CCDC30: variants seen among roughly 807,000 people sequenced by gnomAD.
The protein encoded by CCDC30 is coiled-coil domain containing 30.
CCDC30 carries 70 observed loss-of-function variants against 100.2 expected under a neutral mutation model. That is an observed-to-expected ratio of 0.70 (90% CI 0.58 to 0.85). The LOEUF (loss-of-function observed/expected upper bound fraction) is 0.85. CCDC30 is among the 40% of genes least tolerant of loss of function. The pLI, the probability that CCDC30 is intolerant of heterozygous loss-of-function variation, is 0.00. For missense variants in CCDC30, 652 were observed against 771.2 expected, an observed-to-expected ratio of 0.85 and a Z score of 1.83; for synonymous variants, 233 against 269.5, an observed-to-expected ratio of 0.86 and a Z score of 1.33.
exon 17 of CCDC30, chr1:42,653,911 T>C (rs1399449277): frequency 6.2e-7 from 1 of 1,613,942 alleles, no homozygotes; most frequent in African/African-American, 1.3e-5. Context: ...CAAAGTCCCC[T>C]GAAAAGTCTC....
At chr1:42,647,776 G>A (rs1276150793) in intron 15 of CCDC30, among the ~76,000 whole-genome samples, 1 of 151,952 alleles carries the variant, frequency 6.6e-6, no homozygotes, top group Admixed American at 6.6e-5. Context: ...GAAAAACCTT[G>A]GAAACTACAC....
At chr1:42,549,769 G>A (rs925249466) in intron 6 of CCDC30, among the ~76,000 whole-genome samples, 1 of 152,080 alleles carries the variant, frequency 6.6e-6, no homozygotes. Flanking sequence ...AACTGAATCC[G>A]AAGTTGGAAT....
intron 6 of CCDC30, among the ~76,000 whole-genome samples, chr1:42,518,482 T>C (rs1357065413): frequency 2.0e-5 from 3 of 152,252 alleles, no homozygotes; most frequent in Non-Finnish European, 2.9e-5. Flanking sequence ...TGTGTTTTCA[T>C]TGTACCTTTT....
At chr1:42,556,529 G>T (rs1570046458) in intron 6 of CCDC30, 124 bp downstream of exon 10, 1 of 1,050,000 alleles carries the variant, frequency 9.5e-7, no homozygotes, top group East Asian at 2.7e-5. Context: ...GTACATAGTA[G>T]ATGTGTGTAT....
chr1:42,557,080 A>G (rs764907440), intron 6 of CCDC30, among the ~76,000 whole-genome samples: 18 of 152,196 alleles, frequency 1.2e-4, no homozygotes, highest in Admixed American at 9.8e-4. Flanking sequence ...ATTTCCTTAC[A>G]TACACCTTTC....
downstream of CCDC30, chr1:42,654,665 A>T (rs1333615377): frequency 6.6e-6 from 1 of 151,744 alleles, no homozygotes; most frequent in Non-Finnish European, 1.5e-5. Flanking sequence ...ACTCCGTCTC[A>T]AAAAAAGCAA....
intron 7 of CCDC30, among the ~76,000 whole-genome samples, chr1:42,576,090 A>C (rs1238435751): frequency 6.6e-6 from 1 of 152,246 alleles, no homozygotes; most frequent in Non-Finnish European, 1.5e-5. Context: ...GTGAGGGACC[A>C]CTGAAAGATT....
intron 7 of CCDC30, among the ~76,000 whole-genome samples, chr1:42,571,718 T>G (rs1645736963): frequency 6.6e-6 from 1 of 152,200 alleles, no homozygotes; most frequent in Non-Finnish European, 1.5e-5. Flanking sequence ...ATACACTCAT[T>G]TCATTGTGTT....
intron 6 of CCDC30, chr1:42,537,311 A>G (rs1349284018): frequency 4.4e-6 from 2 of 454,858 alleles, no homozygotes; most frequent in African/African-American, 4.0e-5. Flanking sequence ...GGAAGTCTAA[A>G]TCAGTAATTT....
chr1:42,603,671 G>A (rs1376537906), intron 10 of CCDC30, among the ~76,000 whole-genome samples: 2 of 152,180 alleles, frequency 1.3e-5, no homozygotes, highest in African/African-American at 4.8e-5. Context: ...TTCATTTATT[G>A]CTGGTGGGAA....
intron 1 of CCDC30, among the ~76,000 whole-genome samples, chr1:42,471,355 A>T (rs1643764980): frequency 6.6e-6 from 1 of 152,212 alleles, no homozygotes; most frequent in Non-Finnish European, 1.5e-5. Context: ...TACAGGACTT[A>T]TAATAATTTA....
chr1:42,595,662 G>C (rs1646272617), intron 10 of CCDC30: 1 of 152,210 alleles, frequency 6.6e-6, no homozygotes, highest in African/African-American at 2.4e-5. Flanking sequence ...ATGATAGAAA[G>C]GTAATGAACC....
intron 6 of CCDC30, among the ~76,000 whole-genome samples, chr1:42,525,174 G>T (rs973725091): frequency 1.3e-5 from 2 of 152,040 alleles, no homozygotes; most frequent in South Asian, 2.1e-4. Context: ...TCTAGATTCT[G>T]TGAGTTTATA....
intron 6 of CCDC30, among the ~76,000 whole-genome samples, chr1:42,502,669 A>G (rs1644338110): frequency 6.6e-6 from 1 of 151,974 alleles, no homozygotes; most frequent in South Asian, 2.1e-4. Flanking sequence ...TCCATTATCC[A>G]TTAGTATCCA....
chr1:42,502,692 CT>C (rs1435879038), intron 6 of CCDC30, among the ~76,000 whole-genome samples: 2 of 152,078 alleles, frequency 1.3e-5, no homozygotes, highest in Non-Finnish European at 2.9e-5. Context: ...TCTTATTTTT[CT>C]ACCTGCCCCC....
At chr1:42,485,501 A>G (rs1360745669) in intron 3 of CCDC30, among the ~76,000 whole-genome samples, 1 of 152,186 alleles carries the variant, frequency 6.6e-6, no homozygotes, top group Non-Finnish European at 1.5e-5. Flanking sequence ...CAATTTAAAA[A>G]TGGGCAAAAG....
At chr1:42,459,943 A>G (rs1169691919), upstream of CCDC30, 6 of 1,574,672 alleles carry the variant, frequency 3.8e-6, no homozygotes, top group East Asian at 2.2e-5. Flanking sequence ...AAGCCCTTAT[A>G]GGATCAAAAA....
intron 2 of CCDC30, among the ~76,000 whole-genome samples, chr1:42,482,150 G>A (rs1171801757): frequency 5.3e-5 from 8 of 151,618 alleles, no homozygotes; most frequent in African/African-American, 1.7e-4. Context: ...CCTGGGAGGC[G>A]GAGGTTGCAG....
intron 4 of CCDC30, among the ~76,000 whole-genome samples, chr1:42,496,003 C>T (rs139682988): frequency 9.9e-5 from 15 of 152,158 alleles, no homozygotes; most frequent in African/African-American, 3.6e-4. Context: ...CTGTTAAAGA[C>T]GACATGGAGC....
Sources: allele counts gnomAD v4.1 joint callset (sites outside exome capture counted in the v4.1 genomes callset), GRCh38; gene constraint gnomAD v4.1.1; transcripts MANE v1.5; gene names NCBI Gene and HGNC (gene_info 2026-07-23, HGNC 2026-07-21).